The following ATE1 variants were observed in gnomAD, a reference collection of about 807,000 sequenced individuals.
ATE1 encodes arginyl-tRNA--protein transferase 1.
A neutral mutation model predicts 70.5 loss-of-function variants in ATE1; 36 were observed. That is an observed-to-expected ratio of 0.51 (90% confidence interval 0.39 to 0.67). The LOEUF is 0.67. Among genes scored for constraint, ATE1 ranks in the 30% least tolerant of loss-of-function variants. The pLI is 0.00. For missense variants in ATE1, 593 were observed against 629.5 expected, an observed-to-expected ratio of 0.94 and a Z score of 0.62; for synonymous variants, 232 against 219.3, an observed-to-expected ratio of 1.06 and a Z score of -0.51.
At chr10:121,897,729 G>A (rs1950831714) in intron 7 of ATE1, among the ~76,000 whole-genome samples, 1 of 151,990 alleles carries the variant, frequency 6.6e-6, no homozygotes, top group Admixed American at 6.6e-5. Context: ...AGGAGGCTGA[G>A]GCAGGAGAAT....
In ATE1 at chr10:121,920,743, T is replaced by C. The variant is rs1185596600; in HGVS notation, c.233+1606A>G. Among the ~76,000 whole-genome samples the C allele has an allele frequency of 2.6e-5, 4 of 151,412 alleles. No homozygotes were observed. In the East Asian group the frequency reaches 7.9e-4, roughly 30 times the overall value. Reference sequence around the variant, plus strand: ...GGTGCAGTGGCTCACGCCTGTAATATCAGCACTTTGGGAGGCTGAGGCAGG... The same window carrying C: ...GGTGCAGTGGCTCACGCCTGTAATACCAGCACTTTGGGAGGCTGAGGCAGG... On this transcript the variant is annotated intron_variant, in intron 3 of 11. Coordinates refer to ENST00000224652, the MANE Select transcript of ATE1 (RefSeq NM_001001976.3).
chr10:121,893,258 CAG>C (rs1950643137), intron 7 of ATE1, among the ~76,000 whole-genome samples: 2 of 128,074 alleles, frequency 1.6e-5, no homozygotes, highest in South Asian at 5.0e-4. Context: ...GCCTGGGTGA[CAG>C]AGTGAGACTT....
chr10:121,779,995 C>T (rs1324970814), intron 11 of ATE1, among the ~76,000 whole-genome samples: 3 of 152,164 alleles, frequency 2.0e-5, no homozygotes, highest in South Asian at 2.1e-4. Context: ...TCTGCTCAGT[C>T]ATTATATGCT....
intron 7 of ATE1, among the ~76,000 whole-genome samples, chr10:121,888,168 G>GC: frequency 6.6e-6 from 1 of 152,214 alleles, no homozygotes; most frequent in Non-Finnish European, 1.5e-5. Flanking sequence ...GCCAAGGTGG[G>GC]CGGATCCCAA....
intron 3 of ATE1, among the ~76,000 whole-genome samples, chr10:121,918,198 TG>T (rs917974039): frequency 1.3e-5 from 2 of 152,112 alleles, no homozygotes; most frequent in Non-Finnish European, 2.9e-5. Flanking sequence ...CAGGGCATGG[TG>T]GCATGCGCCT....
chr10:121,793,886 T>G (rs1487333366), intron 10 of ATE1, among the ~76,000 whole-genome samples: 1 of 152,192 alleles, frequency 6.6e-6, no homozygotes, highest in Non-Finnish European at 1.5e-5. Context: ...ACGGCCACCC[T>G]CACTTTCAAG....
intron 10 of ATE1, among the ~76,000 whole-genome samples, chr10:121,808,701 A>C (rs928428673): frequency 2.0e-5 from 3 of 152,224 alleles, no homozygotes; most frequent in African/African-American, 7.2e-5. Context: ...TGAATTAATA[A>C]AAAATGCCCA....
In ATE1 at chr10:121,783,884, AT is replaced by A. The variant is rs199893795; in HGVS notation, c.1378+6284del. ...AAAGGAACTGCTTGTTTGGGGGAAA[AT>A]TTTTTTTTTTTCGGTTTTGAGACAG... On this transcript the variant is annotated intron_variant, in intron 11 of 11. Coordinates refer to ENST00000224652, the MANE Select transcript of ATE1 (RefSeq NM_001001976.3). 1.1e-3 allele frequency among the ~76,000 whole-genome samples: 169 copies of A among 151,374 alleles called. 1 individual carries two copies. Among genetic ancestry groups the A allele is most frequent in the African/African-American group, 3.6e-3 (150 of 41,278 alleles).
chr10:121,883,658 T>G (rs1247271456), intron 7 of ATE1, among the ~76,000 whole-genome samples: 1 of 152,204 alleles, frequency 6.6e-6, no homozygotes, highest in East Asian at 1.9e-4. Flanking sequence ...CATTTTAAAT[T>G]ATTAGAGTAC....
intron 10 of ATE1, among the ~76,000 whole-genome samples, chr10:121,797,264 A>G (rs796459686): frequency 3.9e-5 from 6 of 152,334 alleles, no homozygotes; most frequent in African/African-American, 1.4e-4. Context: ...AAAGTTATAA[A>G]CTGATACAGA....
chr10:121,916,618 G>C (rs1235548923), intron 3 of ATE1, among the ~76,000 whole-genome samples: 1 of 151,554 alleles, frequency 6.6e-6, no homozygotes, highest in African/African-American at 2.4e-5. Flanking sequence ...GGTGGATCAC[G>C]AGGTCAGGAG....
At position 121,819,679 on chromosome 10, in the gene ATE1, C is replaced by CA. The variant is rs57035123; in HGVS notation, c.1257+17038dup. ...CCTGGGTGACAGAGCAAGACTGTCT[C>CA]AAAAAAAAAAAAAAAAAAAAAAGAC... On this transcript the variant is annotated intron_variant, in intron 10 of 11. Coordinates refer to ENST00000224652, the MANE Select transcript of ATE1 (RefSeq NM_001001976.3). Among the ~76,000 whole-genome samples the CA allele has an allele frequency of 4.0e-3, 213 of 52,708 alleles. 28 individuals are homozygous for CA. The highest frequency in any genetic ancestry group is 0.015 in the African/African-American group (173 of 11,426). 34.6% of individuals were successfully genotyped at this position (52,708 alleles called of 152,430 possible). A position where few individuals can be genotyped will look rare whatever the true frequency, so the allele number is the denominator to read the frequency against.
intron 3 of ATE1, among the ~76,000 whole-genome samples, chr10:121,920,801 T>C (rs1951850925): frequency 6.6e-6 from 1 of 151,964 alleles, no homozygotes; most frequent in Admixed American, 6.6e-5. Flanking sequence ...AAGACCAGCC[T>C]GGCCAACATA....
chr10:121,762,419 C>T (rs748440467), intron 11 of ATE1, among the ~76,000 whole-genome samples: 8 of 152,208 alleles, frequency 5.3e-5, no homozygotes, highest in Non-Finnish European at 8.8e-5. Flanking sequence ...GATAATACTA[C>T]AGCAGGTTCT....
Position 121,898,771 on chromosome 10 carries a change from A to T in ATE1, c.942+1095T>A, listed in dbSNP as rs769797900. ...GAAAGGGTCATCAGCTCCACCTGAC[A>T]AGAAAATGGTATATATTATACTTCT... On this transcript the variant is annotated intron_variant, in intron 7 of 11. Coordinates refer to ENST00000224652, the MANE Select transcript of ATE1 (RefSeq NM_001001976.3). 7.7e-6 allele frequency: 12 copies of T among 1,551,728 alleles called. No individual in the cohort carries two copies. The South Asian group carries it at 1.4e-4, about 18-fold the overall frequency.
intron 11 of ATE1, among the ~76,000 whole-genome samples, chr10:121,749,040 A>T (rs1944477874): frequency 6.6e-6 from 1 of 152,172 alleles, no homozygotes; most frequent in Non-Finnish European, 1.5e-5. Flanking sequence ...CAACTGTCCC[A>T]AATTCTTTAG....
chr10:121,812,375 T>C (rs542142903), intron 10 of ATE1, among the ~76,000 whole-genome samples: 2 of 151,816 alleles, frequency 1.3e-5, no homozygotes, highest in African/African-American at 2.4e-5. Flanking sequence ...GGGAAGAAAA[T>C]TTACAATTTA....
Position 121,740,469 on chromosome 10 carries a change from T to C in ATE1, c.*3211A>G, listed in dbSNP as rs1944117433. 1 of 152,036 alleles carries C rather than the reference T, an allele frequency of 6.6e-6. No individual in the cohort carries two copies. Among genetic ancestry groups the C allele is most frequent in the Non-Finnish European group, 1.5e-5 (1 of 68,010 alleles). 9.4% of individuals were successfully genotyped at this position (152,036 alleles called of 1,614,324 possible). The stretch of plus-strand genomic sequence containing the variant: ...TTTTTTCCATTCAGGCTTTATCAAA[T>C]AGCTTGTTCAAAAAGCATATACAAG... On this transcript the variant is annotated 3_prime_UTR_variant, in exon 12 of 12. Transcript: ENST00000224652.
intron 10 of ATE1, among the ~76,000 whole-genome samples, chr10:121,822,113 A>G (rs1259495202): frequency 1.3e-5 from 2 of 152,198 alleles, no homozygotes; most frequent in South Asian, 2.1e-4. Flanking sequence ...TCACAGCTGC[A>G]CTTATATTAG....
Sources: gnomAD v4.1 joint callset for allele counts (sites outside exome capture counted in the v4.1 genomes callset) on GRCh38, gnomAD v4.1.1 for gene constraint, MANE v1.5 for transcripts, NCBI Gene and HGNC (gene_info 2026-07-23, HGNC 2026-07-21) for gene names.